The following MTAP variants were observed in gnomAD, a reference collection of about 807,000 sequenced individuals.
MTAP encodes the protein methylthioadenosine phosphorylase.
Under a neutral mutation model 33.6 loss-of-function variants are expected in MTAP, and 33 were observed. The observed-to-expected ratio is 0.98, with a 90% CI of 0.74 to 1.31. The LOEUF is 1.31. Among genes scored for constraint, MTAP ranks in the 40% most tolerant of loss-of-function variants. The pLI, the probability that MTAP is intolerant of heterozygous loss-of-function variation, is 0.00. For synonymous variants in MTAP, 148 were observed against 125.7 expected (o/e 1.18, Z -1.19); for missense variants, 367 against 360.0 (o/e 1.02, Z -0.16).
intron 4 of MTAP, among the ~76,000 whole-genome samples, chr9:21,829,424 T>G (rs982527538): frequency 7.2e-5 from 11 of 151,904 alleles, no homozygotes; most frequent in African/African-American, 2.7e-4. Context: ...GTTGTTTTTT[T>G]TTTTTGTTTG....
At chr9:21,888,744 T>C (rs7865454) in intron 1 of MTAP, among the ~76,000 whole-genome samples, 149,553 of 152,234 alleles carry the variant, frequency 0.98, 73,472 homozygotes, top group East Asian at 1. Context: ...AGACTTATTT[T>C]CCTGGCTTTG....
At chr9:21,823,296 T>A (rs1183894678) in intron 4 of MTAP, among the ~76,000 whole-genome samples, 1 of 152,034 alleles carries the variant, frequency 6.6e-6, no homozygotes, top group East Asian at 1.9e-4. Flanking sequence ...GGAGCTCTTT[T>A]AGGGCAGGCA....
At chr9:21,933,237 A>C (rs1227970233), downstream of MTAP, 1 of 152,236 alleles carries the variant, frequency 6.6e-6, no homozygotes, top group Non-Finnish European at 1.5e-5. Flanking sequence ...TAGCTGAATT[A>C]GTTGCCAAAA....
chr9:21,812,893 G>A (rs1450925475), intron 1 of MTAP, among the ~76,000 whole-genome samples: 1 of 152,220 alleles, frequency 6.6e-6, no homozygotes, highest in East Asian at 1.9e-4. Flanking sequence ...GCCCCTGGAC[G>A]AGGTTTTTAA....
chr9:21,915,010 T>C (rs1818655399), intron 1 of MTAP, among the ~76,000 whole-genome samples: 3 of 74,470 alleles, frequency 4.0e-5, no homozygotes, highest in African/African-American at 8.2e-5. Flanking sequence ...TTTCCTTCCT[T>C]CCTTCCTTCC....
chr9:21,925,140 T>C (rs2131038934), intron 1 of MTAP, among the ~76,000 whole-genome samples: 1 of 152,308 alleles, frequency 6.6e-6, no homozygotes, highest in South Asian at 2.1e-4. Flanking sequence ...TGTTCTTATG[T>C]CTCGTAGAAG....
chr9:21,809,002 T>A, intron 1 of MTAP: 1 of 152,232 alleles, frequency 6.6e-6, no homozygotes, highest in Admixed American at 6.5e-5. Context: ...TCCAGAACTG[T>A]GAGAAGATAA....
chr9:21,816,899 C>A (rs1442193170), intron 3 of MTAP, 127 bp downstream of exon 3: 23 of 720,158 alleles, frequency 3.2e-5, no homozygotes, highest in Non-Finnish European at 4.9e-5. Flanking sequence ...ATCTTAGTAA[C>A]CTTTATTTAC....
At chr9:21,869,503 T>C (rs530055355), downstream of MTAP, among the ~76,000 whole-genome samples, 42 of 152,312 alleles carry the variant, frequency 2.8e-4, no homozygotes, top group Non-Finnish European at 6.0e-4. Context: ...TCCCTGATCT[T>C]TTAATGTTGC....
intron 1 of MTAP, among the ~76,000 whole-genome samples, chr9:21,924,638 G>T (rs1818838069): frequency 6.6e-6 from 1 of 152,176 alleles, no homozygotes; most frequent in African/African-American, 2.4e-5. Context: ...TTTACCCAGG[G>T]CTCAAGCCCT....
chr9:21,881,972 C>T (rs1224315522), intron 1 of MTAP, among the ~76,000 whole-genome samples: 1 of 151,902 alleles, frequency 6.6e-6, no homozygotes, highest in African/African-American at 2.4e-5. Context: ...GGATGTTCAT[C>T]AAGAGATGGA....
At chr9:21,882,119 G>C (rs898598364) in intron 1 of MTAP, among the ~76,000 whole-genome samples, 1 of 151,742 alleles carries the variant, frequency 6.6e-6, no homozygotes, top group African/African-American at 2.4e-5. Context: ...ACCTTAAAAA[G>C]GATTTCCTTC....
rs540932637 is a variant in MTAP, at chr9:21,857,100, G to A, written c.691-2203G>A. Among the ~76,000 whole-genome samples the A allele has an allele frequency of 3.9e-5, 6 of 152,290 alleles. No homozygotes were observed. In the South Asian group the frequency reaches 1.2e-3, roughly 32 times the overall value. On this transcript the variant is annotated intron_variant, in intron 6 of 7. Coordinates refer to ENST00000644715, the MANE Select transcript of MTAP (RefSeq NM_002451.4). ...GAGAGGTGGGTAGTATCAGGGAAAA[G>A]CATTTAAACTGCACCTTGAAGAGAG...
At chr9:21,859,544 G>C in intron 7 of MTAP, 119 bp downstream of exon 7, 1 of 1,227,878 alleles carries the variant, frequency 8.1e-7, no homozygotes. Context: ...TTTTCAACAA[G>C]TTTTTGTGAC....
Position 21,813,605 on chromosome 9 carries a change from C to T in MTAP, c.34-1828C>T, listed in dbSNP as rs546777195. ...CCAACTCGATTTGTGTATTTGATCC[C>T]GAGCATCCAGTGTTGAATCCAGAAT... On this transcript the variant is annotated intron_variant, in intron 1 of 7. Transcript: ENST00000644715. 4.6e-5 allele frequency among the ~76,000 whole-genome samples: 7 copies of T among 152,294 alleles called. No homozygotes were observed. The East Asian group carries it at 5.8e-4, about 13-fold the overall frequency.
downstream of MTAP, among the ~76,000 whole-genome samples, chr9:21,869,282 C>T (rs1358384440): frequency 1.3e-5 from 2 of 152,116 alleles, no homozygotes; most frequent in African/African-American, 2.4e-5. Context: ...CCATCTTCAG[C>T]ACCAACAAGA....
intron 1 of MTAP, chr9:21,929,615 C>T: frequency 3.1e-6 from 1 of 325,808 alleles, no homozygotes; most frequent in Non-Finnish European, 6.4e-6. Context: ...TCTAAAACAC[C>T]AGGGAGAGCT....
chr9:21,908,132 C>T (rs1818504431), intron 1 of MTAP, among the ~76,000 whole-genome samples: 1 of 152,162 alleles, frequency 6.6e-6, no homozygotes, highest in African/African-American at 2.4e-5. Flanking sequence ...TCCCTCACTC[C>T]TTCCTTAATC....
intron 1 of MTAP, among the ~76,000 whole-genome samples, chr9:21,814,694 C>A (rs1442284479): frequency 6.6e-6 from 1 of 151,992 alleles, no homozygotes; most frequent in East Asian, 1.9e-4. Context: ...CAATACAATG[C>A]ATGAACTTAA....
Sources: allele counts gnomAD v4.1 joint callset (sites outside exome capture counted in the v4.1 genomes callset), GRCh38; gene constraint gnomAD v4.1.1; transcripts MANE v1.5; gene names NCBI Gene and HGNC (gene_info 2026-07-23, HGNC 2026-07-21).